CIT: variants seen among roughly 807,000 people sequenced by gnomAD.
CIT encodes citron rho-interacting serine/threonine kinase.
A neutral mutation model predicts 272.7 loss-of-function variants in CIT; 79 were observed. The ratio of observed to expected loss-of-function variants is 0.29; its 90% confidence interval spans 0.24 to 0.35. The LOEUF (loss-of-function observed/expected upper bound fraction) is 0.35. CIT is among the 10% of genes least tolerant of loss of function. The probability of loss-of-function intolerance (pLI) is 1.00; values close to 1 mark genes in which losing one functional copy is unlikely to be tolerated. For missense variants in CIT, 1,909 were observed against 2,618.3 expected (o/e 0.73, Z 5.91); for synonymous variants, 948 against 995.6 (o/e 0.95, Z 0.90).
At chr12:119,870,549 CAAAAAAAAAAA>C (rs57894300) in intron 2 of CIT, among the ~76,000 whole-genome samples, 4 of 52,412 alleles carry the variant, frequency 7.6e-5, no homozygotes, top group Admixed American at 5.7e-4. Flanking sequence ...GACTCCCTCT[CAAAAAAAAAAA>C]AAAAAAAAAA....
At chr12:119,802,777 T>C (rs1435933769) in intron 10 of CIT, among the ~76,000 whole-genome samples, 2 of 152,122 alleles carry the variant, frequency 1.3e-5, no homozygotes, top group Non-Finnish European at 2.9e-5. Context: ...GTTTTTAGGA[T>C]TCTTTATACA....
At position 119,794,073 on chromosome 12, in the gene CIT, C is replaced by T. The variant is rs203353; in HGVS notation, c.1296-9008G>A. On this transcript the variant is annotated intron_variant, in intron 10 of 47. Coordinates refer to ENST00000392521, the MANE Select transcript of CIT (RefSeq NM_001206999.2). ...GCTCAGCTCAGAGAACCTTTCCTTG[C>T]GGACCCAGTCTAAAGTGGCCACCCC... 8.2e-3 allele frequency among the ~76,000 whole-genome samples: 1,248 copies of T among 152,242 alleles called. 18 individuals are homozygous for T. The highest frequency in any genetic ancestry group is 0.028 in the African/African-American group (1,177 of 41,536).
intron 47 of CIT, among the ~76,000 whole-genome samples, chr12:119,688,737 G>A (rs927228148): frequency 8.5e-5 from 13 of 152,224 alleles, no homozygotes; most frequent in South Asian, 6.2e-4. Flanking sequence ...CCCTCTCCTC[G>A]ATCGCAAACC....
intron 9 of CIT, among the ~76,000 whole-genome samples, chr12:119,814,993 GT>G (rs1227324191): frequency 5.4e-5 from 8 of 148,576 alleles, no homozygotes; most frequent in Non-Finnish European, 1.0e-4. Context: ...AGCCGAGATC[GT>G]GCCACTGCAC....
intron 9 of CIT, among the ~76,000 whole-genome samples, chr12:119,807,061 C>G (rs1354403242): frequency 5.9e-5 from 9 of 152,192 alleles, no homozygotes; most frequent in Admixed American, 5.9e-4. Context: ...ATTATCACCA[C>G]CACTCAGGAG....
At chr12:119,745,075 A>G (rs2137345031) in intron 23 of CIT, among the ~76,000 whole-genome samples, 2 of 152,156 alleles carry the variant, frequency 1.3e-5, no homozygotes, top group South Asian at 4.2e-4. Context: ...AATTTTCCAA[A>G]GTTGATGAAA....
At chr12:119,795,428 C>T (rs946627890) in intron 10 of CIT, among the ~76,000 whole-genome samples, 57 of 152,100 alleles carry the variant, frequency 3.7e-4, no homozygotes, top group African/African-American at 1.3e-3. Context: ...AAAAGTTGAC[C>T]ACCCTCTGCC....
chr12:119,699,256 C>CAAAA (rs1181095399), intron 44 of CIT, among the ~76,000 whole-genome samples: 2 of 51,418 alleles, frequency 3.9e-5, no homozygotes, highest in Non-Finnish European at 4.9e-5. Flanking sequence ...AAATCCGACT[C>CAAAA]AAAAAAAAAA....
At chr12:119,785,903 G>T (rs1964747595) in intron 10 of CIT, among the ~76,000 whole-genome samples, 1 of 152,044 alleles carries the variant, frequency 6.6e-6, no homozygotes, top group African/African-American at 2.4e-5. Flanking sequence ...CTGACCTCCA[G>T]AACTGTAAAA....
In CIT at chr12:119,704,430, G is replaced by A. The variant is rs1956764787; in HGVS notation, c.5237C>T (p.Ala1746Val). The change falls in exon 41 of 48, where the codon GCA becomes GTA. Residue 1746 changes from alanine (A) to valine (V), a missense_variant. Physicochemically the swap from Ala to Val is moderately conservative, Grantham distance 64 (BLOSUM62 0). Transcript: ENST00000392521. ...GKIENGLCIC[A>V]AMPSKVVILR... is the part of the protein sequence containing the mutation. ...AATGACGACTTTGCTGGGCATGGCT[G>A]CACAGATGCAGAGCCCGTTCTCAAT... The A allele has an allele frequency of 2.5e-6, 4 of 1,613,864 alleles. No homozygotes were observed. Among genetic ancestry groups the A allele is most frequent in the Non-Finnish European group, 2.5e-6 (3 of 1,179,878 alleles).
At chr12:119,843,105 T>C (rs1157700093) in intron 5 of CIT, among the ~76,000 whole-genome samples, 1 of 152,020 alleles carries the variant, frequency 6.6e-6, no homozygotes, top group African/African-American at 2.4e-5. Flanking sequence ...AAAGAGGAGT[T>C]AGCAAGGTGA....
rs58634070 is a variant in CIT, at chr12:119,842,388, C to CAAA, written c.516+7783_516+7785dup. ...AGGGTGACAGAGCGAGACTGCATCT[C>CAAA]AAAAAAAAAAAAAAAAAAAAAAAAA... On this transcript the variant is annotated intron_variant, in intron 5 of 47. Coordinates refer to ENST00000392521, the MANE Select transcript of CIT (RefSeq NM_001206999.2). 5.2e-3 allele frequency among the ~76,000 whole-genome samples: 368 copies of CAAA among 71,286 alleles called. 3 individuals are homozygous for CAAA. The highest frequency in any genetic ancestry group is 7.5e-3 in the East Asian group (18 of 2,404). The allele number at this position is 71,286 out of a possible 152,430, so 46.8% of individuals were successfully genotyped here.
intron 46 of CIT, among the ~76,000 whole-genome samples, chr12:119,691,136 C>T (rs550697985): frequency 5.8e-4 from 81 of 140,300 alleles, no homozygotes; most frequent in Non-Finnish European, 9.4e-4. Context: ...CGGACCACTG[C>T]ACTCCAGCCT....
At chr12:119,746,754 T>C (rs1191572618) in intron 23 of CIT, among the ~76,000 whole-genome samples, 1 of 152,248 alleles carries the variant, frequency 6.6e-6, no homozygotes, top group East Asian at 1.9e-4. Context: ...ACAGTCATTA[T>C]GGCTTTTGAT....
intron 46 of CIT, among the ~76,000 whole-genome samples, chr12:119,691,501 G>A (rs1477817209): frequency 6.6e-6 from 1 of 152,216 alleles, no homozygotes; most frequent in Non-Finnish European, 1.5e-5. Context: ...TCTCAGTCAT[G>A]ACAATAAGAC....
intron 5 of CIT, among the ~76,000 whole-genome samples, chr12:119,839,581 C>A (rs1473891598): frequency 1.3e-5 from 2 of 152,154 alleles, no homozygotes; most frequent in African/African-American, 4.8e-5. Context: ...TTATTTTCTT[C>A]TTGGTCAAAG....
chr12:119,857,594 T>G lies in CIT; in HGVS notation c.343A>C (p.Arg115=), dbSNP rs765846071. 18 of 1,614,072 alleles carry G rather than the reference T, an allele frequency of 1.1e-5. No homozygotes were observed. Among genetic ancestry groups the G allele is most frequent in the African/African-American group, 2.7e-5 (2 of 74,932 alleles). The change falls in exon 4 of 48, where the codon AGA becomes CGA. Residue 115 remains arginine, a synonymous_variant. Transcript: ENST00000392521. ...TAGATGTCCCCGGTTGCTTTCTCTC[T>G]TACCACCTGCACTTCAGCAAAGTGA... is the stretch of plus-strand genomic sequence containing the variant. The part of the protein sequence containing the change: ...CGHFAEVQVV[R]EKATGDIYAM...
chr12:119,704,995 C>T (rs1956798491), intron 40 of CIT, among the ~76,000 whole-genome samples: 1 of 152,208 alleles, frequency 6.6e-6, no homozygotes, highest in Admixed American at 6.5e-5. Flanking sequence ...TCACTGCAGC[C>T]TCCACCTCCC....
rs1421899684 is a variant in CIT at position 119,770,286 on chromosome 12, T to C, written c.2208+499A>G. Among the ~76,000 whole-genome samples, 1 of 152,130 alleles carries C rather than the reference T, an allele frequency of 6.6e-6. No individual in the cohort carries two copies. The highest frequency in any genetic ancestry group is 1.5e-5 in the Non-Finnish European group (1 of 68,024). Reference sequence around the variant, plus strand: ...AAATAATAATAATAATAACCAACTGTAGCAGAGAAAGTGAGTGGGTGAACA... The same window carrying C: ...AAATAATAATAATAATAACCAACTGCAGCAGAGAAAGTGAGTGGGTGAACA... On this transcript the variant is annotated intron_variant, in intron 18 of 47. Coordinates refer to ENST00000392521, the MANE Select transcript of CIT (RefSeq NM_001206999.2). The surrounding 1 kb of genome is among the most constrained non-coding windows in gnomAD (Gnocchi z 4.4).
Sources: gnomAD v4.1 joint callset for allele counts (sites outside exome capture counted in the v4.1 genomes callset) on GRCh38, gnomAD v4.1.1 for gene constraint, Gnocchi (gnomAD v3.1) non-coding constraint, MANE v1.5 for transcripts, NCBI Gene and HGNC (gene_info 2026-07-23, HGNC 2026-07-21) for gene names.